Variants in NBAS observed in about 807,000 individuals in gnomAD.
NBAS encodes NAG/BC035112 fusion.
NBAS carries 219 observed loss-of-function variants against 302.5 expected under a neutral mutation model. The ratio of observed to expected loss-of-function variants is 0.72; its 90% CI spans 0.65 to 0.81. NBAS has a LOEUF of 0.81. NBAS is among the 30% of genes least tolerant of loss of function. The probability of loss-of-function intolerance (pLI) is 0.00; values close to 1 mark genes in which losing one functional copy is unlikely to be tolerated. For synonymous variants in NBAS, 1,118 were observed against 1,021.6 expected, an observed-to-expected ratio of 1.09 and a Z score of -1.80; for missense variants, 2,932 against 2,841.6, an observed-to-expected ratio of 1.03 and a Z score of -0.72.
intron 48 of NBAS, among the ~76,000 whole-genome samples, chr2:15,203,109 T>C (rs979542194): frequency 2.0e-5 from 3 of 152,212 alleles, no homozygotes; most frequent in Admixed American, 6.5e-5. Flanking sequence ...TAATATAGTA[T>C]AGCATAACAT....
the NBAS span, among the ~76,000 whole-genome samples, chr2:15,058,788 T>C: frequency 0.013 from 1,977 of 152,328 alleles, 41 homozygotes; most frequent in African/African-American, 0.045. Context: ...CTCTGTAATG[T>C]GGCGAATGTC....
At chr2:14,929,983 C>T in the NBAS span, among the ~76,000 whole-genome samples, 1 of 152,172 alleles carries the variant, frequency 6.6e-6, no homozygotes, top group Non-Finnish European at 1.5e-5. Context: ...GCACTTTCCC[C>T]TTTGCTCTCT....
At chr2:14,900,490 C>A in the NBAS span, among the ~76,000 whole-genome samples, 1 of 152,166 alleles carries the variant, frequency 6.6e-6, no homozygotes, top group Non-Finnish European at 1.5e-5. Flanking sequence ...CACTGAAATT[C>A]TATTCATCCT....
intron 9 of NBAS, among the ~76,000 whole-genome samples, chr2:15,522,661 T>C (rs1462852367): frequency 6.6e-6 from 1 of 152,182 alleles, no homozygotes; most frequent in Non-Finnish European, 1.5e-5. Context: ...AAAGATTCCA[T>C]TAAAACACCA....
chr2:15,009,715 TATATAC>T, the NBAS span, among the ~76,000 whole-genome samples: 3 of 147,030 alleles, frequency 2.0e-5, no homozygotes, highest in Non-Finnish European at 3.0e-5. Context: ...TATATATATA[TATATAC>T]GGTGCATATG....
the NBAS span, among the ~76,000 whole-genome samples, chr2:14,975,912 G>T: frequency 4.6e-5 from 7 of 152,286 alleles, no homozygotes; most frequent in East Asian, 1.4e-3. Flanking sequence ...TGTGGTTTAT[G>T]AAGTTTATGA....
the NBAS span, among the ~76,000 whole-genome samples, chr2:14,880,708 A>G: frequency 2.6e-5 from 4 of 152,158 alleles, no homozygotes; most frequent in South Asian, 8.3e-4. Flanking sequence ...AAGAGGATTC[A>G]ACATATATAT....
chr2:15,554,192 A>T, intron 3 of NBAS, 54 bp from the exon 4 acceptor site: 2 of 1,335,396 alleles, frequency 1.5e-6, no homozygotes, highest in Non-Finnish European at 2.1e-6. Context: ...AACCACATAT[A>T]TGCAGACAAA....
chr2:15,276,752 G>C, intron 43 of NBAS, 99 bp downstream of exon 43: 1 of 1,569,360 alleles, frequency 6.4e-7, no homozygotes, highest in Non-Finnish European at 8.7e-7. Context: ...TGGTTTCAGA[G>C]CTCTGCAACC....
chr2:15,220,034 A>AC (rs1464270023), intron 47 of NBAS, among the ~76,000 whole-genome samples: 5 of 130,254 alleles, frequency 3.8e-5, no homozygotes, highest in East Asian at 5.0e-4. Context: ...CGGGGGGCTG[A>AC]TCCCCCCACC....
the NBAS span, among the ~76,000 whole-genome samples, chr2:15,009,614 AC>A: frequency 2.8e-5 from 4 of 143,916 alleles, no homozygotes; most frequent in African/African-American, 1.1e-4. Flanking sequence ...ACACACACAC[AC>A]ACACACACAC....
chr2:15,358,274 C>T (rs903773094), intron 32 of NBAS, among the ~76,000 whole-genome samples: 2 of 152,110 alleles, frequency 1.3e-5, no homozygotes, highest in Non-Finnish European at 1.5e-5. Context: ...AACAAAAAAT[C>T]CCTACCGTTT....
the NBAS span, among the ~76,000 whole-genome samples, chr2:15,004,646 G>A: frequency 2.2e-3 from 330 of 148,450 alleles, 7 homozygotes; most frequent in East Asian, 0.053. Flanking sequence ...GACAACAGGC[G>A]CAGACCACCA....
At chr2:15,273,214 C>G (rs893071586) in intron 44 of NBAS, among the ~76,000 whole-genome samples, 3 of 152,110 alleles carry the variant, frequency 2.0e-5, no homozygotes, top group African/African-American at 4.8e-5. Flanking sequence ...CTGTTAGCCC[C>G]GAAGGTTAGT....
chr2:15,071,002 C>T, the NBAS span, among the ~76,000 whole-genome samples: 9 of 152,106 alleles, frequency 5.9e-5, no homozygotes, highest in South Asian at 2.1e-4. Flanking sequence ...CCCAAGAATG[C>T]ACAGTGGGTT....
At chr2:14,849,497 A>C in the NBAS span, among the ~76,000 whole-genome samples, 1 of 151,846 alleles carries the variant, frequency 6.6e-6, no homozygotes, top group Admixed American at 6.6e-5. Flanking sequence ...CCAAGTTGGA[A>C]AACACTCTGC....
At chr2:15,503,290 C>G (rs772532317) in intron 11 of NBAS, among the ~76,000 whole-genome samples, 2 of 152,054 alleles carry the variant, frequency 1.3e-5, no homozygotes, top group African/African-American at 4.8e-5. Flanking sequence ...AAGTACAGTA[C>G]AGTCAAGCCT....
At chr2:15,388,795 C>T (rs886086536) in intron 28 of NBAS, among the ~76,000 whole-genome samples, 1 of 152,054 alleles carries the variant, frequency 6.6e-6, no homozygotes, top group Non-Finnish European at 1.5e-5. Flanking sequence ...TGGAATACTT[C>T]CCAACATTGA....
downstream of NBAS, among the ~76,000 whole-genome samples, chr2:15,164,526 G>A (rs1238751644): frequency 6.6e-6 from 1 of 152,240 alleles, no homozygotes; most frequent in Non-Finnish European, 1.5e-5. Flanking sequence ...TCTGACTTCA[G>A]AGGCTCTCAC....
Sources: gnomAD v4.1 joint callset for allele counts (sites outside exome capture counted in the v4.1 genomes callset) on GRCh38, gnomAD v4.1.1 for gene constraint, MANE v1.5 for transcripts, NCBI Gene and HGNC (gene_info 2026-07-23, HGNC 2026-07-21) for gene names.